EXTL1: variants seen among roughly 807,000 people sequenced by gnomAD.
EXTL1 encodes exostosin like glycosyltransferase 1, also known as exostosin-like 1.
EXTL1 carries 43 observed loss-of-function variants against 64.6 expected under a neutral mutation model. That is an observed-to-expected ratio of 0.67 (90% confidence interval 0.52 to 0.86). The LOEUF (loss-of-function observed/expected upper bound fraction) is 0.86. Ranked by LOEUF, EXTL1 falls within the 40% of genes least tolerant of loss-of-function variation. The probability of loss-of-function intolerance (pLI) is 0.00; values close to 1 mark genes in which losing one functional copy is unlikely to be tolerated. For missense variants in EXTL1, 766 were observed against 879.0 expected, an observed-to-expected ratio of 0.87 and a Z score of 1.62; for synonymous variants, 352 against 360.5, an observed-to-expected ratio of 0.98 and a Z score of 0.27.
At position 26,029,666 on chromosome 1, in the gene EXTL1, A is replaced by C. The variant is rs1488754148; in HGVS notation, c.940A>C (p.Thr314Pro). 6.2e-7 allele frequency: 1 copy of C among 1,612,558 alleles called. No homozygotes were observed. Among genetic ancestry groups the C allele is most frequent in the Admixed American group, 1.7e-5 (1 of 59,960 alleles). The change falls in exon 3 of 11, where the codon ACC (threonine) becomes CCC (proline). Residue 314 changes from threonine (T) to proline (P), a missense_variant. Transcript: ENST00000374280. ...GCCCTTCTCCGAGGTCATCGACTGGACCAAGGCAGCCATCGTAGCTGATGA... is the reference window on the plus strand; with the variant it reads ...GCCCTTCTCCGAGGTCATCGACTGGCCCAAGGCAGCCATCGTAGCTGATGA... ...ELPFSEVIDW[T>P]KAAIVADERL...
Position 26,035,548 on chromosome 1 carries a change from T to G in EXTL1, c.*201T>G, listed in dbSNP as rs1471735880. ...TGCTCGCCCTCAGCCGCGGAGCCTC[T>G]GCGGAGGCTGAGCCCCGCGACCGGA... On this transcript the variant is annotated 3_prime_UTR_variant, in exon 11 of 11. Transcript: ENST00000374280. This position sits in a 1 kb window ranked among gnomAD's most constrained non-coding sequence, Gnocchi z 5.3. 1 of 467,652 alleles carries G rather than the reference T, an allele frequency of 2.1e-6. No homozygotes were observed. Among genetic ancestry groups the G allele is most frequent in the Non-Finnish European group, 3.8e-6 (1 of 264,592 alleles). 29.0% of individuals were successfully genotyped at this position (467,652 alleles called of 1,614,324 possible).
rs2050165130 is a variant in EXTL1 at position 26,022,748 on chromosome 1, G to T, written c.102G>T (p.Leu34Phe). 1 of 1,613,958 alleles carries T rather than the reference G, an allele frequency of 6.2e-7. No homozygotes were observed. The highest frequency in any genetic ancestry group is 1.3e-5 in the African/African-American group (1 of 74,902). ...LGGFSLLRLA[L>F]PPRPRPGASQ... is the part of the protein sequence containing the mutation. ...GCTTCTCCCTTCTCCGCCTGGCATTGCCTCCCAGACCTCGGCCCGGGGCTT... is the reference window on the plus strand; with the variant it reads ...GCTTCTCCCTTCTCCGCCTGGCATTTCCTCCCAGACCTCGGCCCGGGGCTT... Residue 34 changes from leucine to phenylalanine, a missense_variant, in exon 1 of 11, where the codon TTG (leucine) becomes TTT (phenylalanine). By Grantham distance (22) the Leu-to-Phe change is conservative. Transcript: ENST00000374280.
chr1:26,029,580 G>T lies in EXTL1; in HGVS notation c.874-20G>T. ...GTGCAGGGTGGGGCTGGGCTCCCCA[G>T]TGACCTCCCCGCCCCCCAGGCCGGC... On this transcript the variant is annotated intron_variant, in intron 2 of 10. Transcript: ENST00000374280. 1 of 1,498,684 alleles carries T rather than the reference G, an allele frequency of 6.7e-7. No homozygotes were observed. The highest frequency in any genetic ancestry group is 1.2e-5 in the South Asian group (1 of 85,810). 92.8% of individuals were successfully genotyped at this position (1,498,684 alleles called of 1,614,324 possible).
intron 3 of EXTL1, among the ~76,000 whole-genome samples, chr1:26,029,945 C>G (rs185380361): frequency 6.6e-6 from 1 of 152,288 alleles, no homozygotes; most frequent in African/African-American, 2.4e-5. Context: ...TTTATCATCT[C>G]TACAATAGGA....
Position 26,023,263 on chromosome 1 carries a change from C to G in EXTL1, c.617C>G (p.Pro206Arg). ...CTCCCTTTTCTCCCTGAAGCCCACC[C>G]GTTGCGAGGTGGGGCTCCTGGCCAG... is the stretch of plus-strand genomic sequence containing the variant. The part of the protein sequence containing the change: ...VALPFLPEAH[P>R]LRGGAPGQLR... The change falls in exon 1 of 11, where the codon CCG becomes CGG. Residue 206 changes from proline to arginine, a missense_variant. Transcript: ENST00000374280. 1 of 1,587,262 alleles carries G rather than the reference C, an allele frequency of 6.3e-7. No homozygotes were observed. Among genetic ancestry groups the G allele is most frequent in the Non-Finnish European group, 8.6e-7 (1 of 1,162,852 alleles).
In EXTL1 at chr1:26,033,694, A is replaced by G; in HGVS notation, c.1519-2A>G. Reference sequence around the variant, plus strand: ...TCACAGCTCACTTGAGTCCCTCCCCAGGTGGACTTTGCCTTTCTGGTGTGG... The same window carrying G: ...TCACAGCTCACTTGAGTCCCTCCCCGGGTGGACTTTGCCTTTCTGGTGTGG... On this transcript the variant is annotated splice_acceptor_variant, in intron 8 of 10. Transcript: ENST00000374280. LOFTEE classifies it high-confidence loss of function. The surrounding 1 kb of genome is among the most constrained non-coding windows in gnomAD (Gnocchi z 5.1). 1 of 1,613,680 alleles carries G rather than the reference A, an allele frequency of 6.2e-7. No homozygotes were observed. The highest frequency in any genetic ancestry group is 8.5e-7 in the Non-Finnish European group (1 of 1,179,772).
In EXTL1 at chr1:26,034,836, G is replaced by A. The variant is rs1279731577; in HGVS notation, c.1680G>A (p.Arg560=). The change falls in exon 10 of 11, where the codon AGG becomes AGA. Residue 560 remains arginine, a splice_region_variant and synonymous_variant. Coordinates refer to ENST00000374280, the MANE Select transcript of EXTL1 (RefSeq NM_004455.3). This position sits in a 1 kb window ranked among gnomAD's most constrained non-coding sequence, Gnocchi z 4.6. The part of the protein sequence containing the change: ...MVLTTAAFYH[R]YYHTLFTHSL... ...CTCCCTGTCTTTTCCTCTTGCCCAG[G>A]TATTACCACACTCTCTTCACCCACT... 6 of 1,613,450 alleles carry A rather than the reference G, an allele frequency of 3.7e-6. No individual in the cohort carries two copies. Among genetic ancestry groups the A allele is most frequent in the Non-Finnish European group, 4.2e-6 (5 of 1,179,518 alleles).
rs2050175897 is a variant in EXTL1 at position 26,023,291 on chromosome 1, G to A, written c.645G>A (p.Leu215=). The change falls in exon 1 of 11, where the codon CTG becomes CTA. Residue 215 remains leucine, a synonymous_variant. Coordinates refer to ENST00000374280, the MANE Select transcript of EXTL1 (RefSeq NM_004455.3). ...TGCGAGGTGGGGCTCCTGGCCAGCTGCGGCAACACAGCCCCCAGCCCGGGG... is the reference window on the plus strand; with the variant it reads ...TGCGAGGTGGGGCTCCTGGCCAGCTACGGCAACACAGCCCCCAGCCCGGGG... The part of the protein sequence containing the change: ...HPLRGGAPGQ[L]RQHSPQPGVA... The A allele has an allele frequency of 1.9e-6, 3 of 1,572,510 alleles. No homozygotes were observed. The East Asian group carries it at 6.8e-5, about 36-fold the overall frequency.
chr1:26,030,727 G>A, intron 4 of EXTL1, 132 bp downstream of exon 4: 1 of 1,041,698 alleles, frequency 9.6e-7, no homozygotes, highest in Non-Finnish European at 1.3e-6. Flanking sequence ...GGATGAATCT[G>A]AGACTTGGCT....
chr1:26,035,695 T>G lies in EXTL1; in HGVS notation c.*348T>G. 5.6e-5 allele frequency: 13 copies of G among 233,844 alleles called. No homozygotes were observed. Among genetic ancestry groups the G allele is most frequent in the East Asian group, 8.6e-5 (1 of 11,640 alleles). The allele number at this position is 233,844 out of a possible 1,614,324, so 14.5% of individuals were successfully genotyped here. On this transcript the variant is annotated 3_prime_UTR_variant, in exon 11 of 11. Transcript: ENST00000374280. The surrounding 1 kb of genome is among the most constrained non-coding windows in gnomAD (Gnocchi z 5.3). Reference sequence around the variant, plus strand: ...CCAATGGGTTCGGTCTCCTTTGCGCTTTCGCAGTCCAGTGTTTGCCGCGGT... The same window carrying G: ...CCAATGGGTTCGGTCTCCTTTGCGCGTTCGCAGTCCAGTGTTTGCCGCGGT...
chr1:26,033,254 G>C lies in EXTL1; in HGVS notation c.1457G>C (p.Ser486Thr), dbSNP rs761633755. 6.2e-7 allele frequency: 1 copy of C among 1,613,954 alleles called. No homozygotes were observed. Among genetic ancestry groups the C allele is most frequent in the South Asian group, 1.1e-5 (1 of 91,082 alleles). ...GTTAGTGATCGCTTCTACCCATATA[G>C]CACCATCAGAACAGATGCCATCCTC... ...RKVSDRFYPY[S>T]TIRTDAILSL... The change falls in exon 8 of 11, where the codon AGC becomes ACC. Residue 486 changes from serine (S) to threonine (T), a missense_variant. By Grantham distance (58) the Ser-to-Thr change is moderately conservative. This residue lies in a region of EXTL1 where 571 missense variants were observed against 647.6 expected (regional missense o/e 0.88). Transcript: ENST00000374280. The surrounding 1 kb of genome is among the most constrained non-coding windows in gnomAD (Gnocchi z 5.1).
In EXTL1 at chr1:26,023,414, T is replaced by C. The variant is rs776742575; in HGVS notation, c.768T>C (p.Pro256=). ...CPWDGRCEQD[P]GPGQTQRQET... is the part of the protein sequence containing the mutation. Reference sequence around the variant, plus strand: ...GGGATGGGCGCTGTGAGCAAGACCCTGGACCTGGGCAGTAAGTGAACCTTT... The same window carrying C: ...GGGATGGGCGCTGTGAGCAAGACCCCGGACCTGGGCAGTAAGTGAACCTTT... The change falls in exon 1 of 11, where the codon CCT becomes CCC. Residue 256 remains proline, a synonymous_variant. Coordinates refer to ENST00000374280, the MANE Select transcript of EXTL1 (RefSeq NM_004455.3). 33 of 1,443,348 alleles carry C rather than the reference T, an allele frequency of 2.3e-5. No individual in the cohort carries two copies. The highest frequency in any genetic ancestry group is 1.8e-4 in the Middle Eastern group (1 of 5,504). 89.4% of individuals were successfully genotyped at this position (1,443,348 alleles called of 1,614,324 possible).
intron 1 of EXTL1, among the ~76,000 whole-genome samples, chr1:26,027,553 C>T (rs1235239374): frequency 6.6e-6 from 1 of 151,266 alleles, no homozygotes; most frequent in East Asian, 1.9e-4. Context: ...TCAGCTTAGA[C>T]ATTAAGACAG....
rs769010982 is a variant in EXTL1 at position 26,035,233 on chromosome 1, G to A, written c.1917G>A (p.Ala639=). 7 of 1,613,500 alleles carry A rather than the reference G, an allele frequency of 4.3e-6. No homozygotes were observed. Among genetic ancestry groups the A allele is most frequent in the Non-Finnish European group, 5.9e-6 (7 of 1,179,872 alleles). The change falls in exon 11 of 11, where the codon GCG becomes GCA. Residue 639 remains alanine (A), a synonymous_variant. Coordinates refer to ENST00000374280, the MANE Select transcript of EXTL1 (RefSeq NM_004455.3). This position sits in a 1 kb window ranked among gnomAD's most constrained non-coding sequence, Gnocchi z 5.3. ...APAPDCINQI[A]AAFGHMPLLS... ...CCCCCGACTGCATCAACCAGATAGCGGCAGCGTTCGGCCACATGCCCTTGC... is the reference window on the plus strand; with the variant it reads ...CCCCCGACTGCATCAACCAGATAGCAGCAGCGTTCGGCCACATGCCCTTGC...
intron 4 of EXTL1, 27 bp from the exon 5 acceptor site, chr1:26,031,105 C>T (rs2050280513): frequency 6.2e-7 from 1 of 1,613,828 alleles, no homozygotes. Flanking sequence ...AGGCCACTCG[C>T]TCTGCTCAGC....
chr1:26,022,303 G>T lies in EXTL1; in HGVS notation c.-344G>T. 1 of 249,438 alleles carries T rather than the reference G, an allele frequency of 4.0e-6. No homozygotes were observed. Among genetic ancestry groups the T allele is most frequent in the Non-Finnish European group, 7.6e-6 (1 of 130,782 alleles). The allele number at this position is 249,438 out of a possible 1,614,324, so 15.5% of individuals were successfully genotyped here. Reference sequence around the variant, plus strand: ...CAGGGGGACACGGCCCTGCATTCTGGACAGGGGTTGCGTCAGCCAGAGCAG... The same window carrying T: ...CAGGGGGACACGGCCCTGCATTCTGTACAGGGGTTGCGTCAGCCAGAGCAG... On this transcript the variant is annotated 5_prime_UTR_variant, in exon 1 of 11. Transcript: ENST00000374280.
chr1:26,022,390 G>C lies in EXTL1; in HGVS notation c.-257G>C. ...GCTGGCTTGGTTGTCCAAAGGCCGAGAAGGCAGAGTCCTGAGAGCAGGGGG... is the reference window on the plus strand; with the variant it reads ...GCTGGCTTGGTTGTCCAAAGGCCGACAAGGCAGAGTCCTGAGAGCAGGGGG... On this transcript the variant is annotated 5_prime_UTR_variant, in exon 1 of 11. Coordinates refer to ENST00000374280, the MANE Select transcript of EXTL1 (RefSeq NM_004455.3). 2.2e-6 allele frequency: 1 copy of C among 445,926 alleles called. No individual in the cohort carries two copies. Among genetic ancestry groups the C allele is most frequent in the Non-Finnish European group, 4.0e-6 (1 of 251,838 alleles). The allele number at this position is 445,926 out of a possible 1,614,324, so 27.6% of individuals were successfully genotyped here.
chr1:26,033,174 A>G lies in EXTL1; in HGVS notation c.1432-55A>G. 1 of 1,269,032 alleles carries G rather than the reference A, an allele frequency of 7.9e-7. No individual in the cohort carries two copies. Among genetic ancestry groups the G allele is most frequent in the Non-Finnish European group, 1.2e-6 (1 of 866,798 alleles). The allele number at this position is 1,269,032 out of a possible 1,614,324, so 78.6% of individuals were successfully genotyped here. A position where few individuals can be genotyped will look rare whatever the true frequency, so the allele number is the denominator to read the frequency against. On this transcript the variant is annotated intron_variant, in intron 7 of 10. Transcript: ENST00000374280. The surrounding 1 kb of genome is among the most constrained non-coding windows in gnomAD (Gnocchi z 5.1). ...TGCCTGAATGGCTCCTACTTATTGG[A>G]TGGGGGTGGGGGGAATGTTCCAATG...
chr1:26,035,206 A>T lies in EXTL1; in HGVS notation c.1890A>T (p.Pro630=). 1 of 1,612,126 alleles carries T rather than the reference A, an allele frequency of 6.2e-7. No individual in the cohort carries two copies. ...GGCCCAGGCCAAAGCCGCCTGCCCC[A>T]GCCCCCGACTGCATCAACCAGATAG... ...GPGPRPKPPA[P]APDCINQIAA... is the part of the protein sequence containing the mutation. Residue 630 remains proline (P), a synonymous_variant, in exon 11 of 11, where the codon CCA becomes CCT. Transcript: ENST00000374280. This position sits in a 1 kb window ranked among gnomAD's most constrained non-coding sequence, Gnocchi z 5.3.
Sources: gnomAD v4.1 joint callset for allele counts (sites outside exome capture counted in the v4.1 genomes callset) on GRCh38, gnomAD v4.1.1 for gene constraint, gnomAD v4.1.1 regional missense constraint, Gnocchi (gnomAD v3.1) non-coding constraint, MANE v1.5 for transcripts, NCBI Gene and HGNC (gene_info 2026-07-23, HGNC 2026-07-21) for gene names.